The following ATP2B2 variants were observed in gnomAD, a reference collection of about 807,000 sequenced individuals.
ATP2B2 encodes ATPase plasma membrane Ca2+ transporting 2.
In ATP2B2, 15 loss-of-function variants were observed where a neutral mutation model predicts 120.0. That is an observed-to-expected ratio of 0.12 (90% CI 0.08 to 0.19). The LOEUF is 0.19. Among genes scored for constraint, ATP2B2 ranks in the 10% least tolerant of loss-of-function variants. ATP2B2 has a pLI of 1.00. For missense variants in ATP2B2, 1,045 were observed against 1,719.8 expected (o/e 0.61, Z 6.94); for synonymous variants, 694 against 700.3 (o/e 0.99, Z 0.14).
chr3:10,651,666 G>A (rs1039746788), intron 1 of ATP2B2, among the ~76,000 whole-genome samples: 3 of 152,072 alleles, frequency 2.0e-5, no homozygotes, highest in Non-Finnish European at 1.5e-5. Context: ...GGAAGGGTGG[G>A]TGAATGGCTG....
intron 1 of ATP2B2, among the ~76,000 whole-genome samples, chr3:10,681,815 C>T (rs1018183797): frequency 5.9e-5 from 9 of 152,190 alleles, no homozygotes; most frequent in African/African-American, 2.2e-4. Flanking sequence ...AACCAGTATT[C>T]AAACCTACAG....
chr3:10,462,315 C>T (rs1464154527), intron 1 of ATP2B2, among the ~76,000 whole-genome samples: 2 of 152,180 alleles, frequency 1.3e-5, no homozygotes, highest in Admixed American at 6.5e-5. Flanking sequence ...GACTCTAATC[C>T]TTCCCTCATG....
chr3:10,333,540 C>A (rs2060037676), intron 22 of ATP2B2, among the ~76,000 whole-genome samples: 1 of 152,144 alleles, frequency 6.6e-6, no homozygotes, highest in South Asian at 2.1e-4. Context: ...GCAAAGGAGG[C>A]ACGAGGCTGT....
chr3:10,561,479 T>A (rs970844556), intron 2 of ATP2B2, among the ~76,000 whole-genome samples: 4 of 152,208 alleles, frequency 2.6e-5, no homozygotes, highest in African/African-American at 9.7e-5. Context: ...ATTATCATTA[T>A]CCTCATTTTA....
At chr3:10,657,562 C>T (rs939773561) in intron 1 of ATP2B2, among the ~76,000 whole-genome samples, 1 of 152,230 alleles carries the variant, frequency 6.6e-6, no homozygotes, top group Non-Finnish European at 1.5e-5. Context: ...GGGGGCCTGC[C>T]ATTGCTGTGG....
At chr3:10,679,847 A>C (rs2071339397) in intron 1 of ATP2B2, among the ~76,000 whole-genome samples, 2 of 152,158 alleles carry the variant, frequency 1.3e-5, no homozygotes, top group African/African-American at 4.8e-5. Flanking sequence ...CCAATGCAGG[A>C]TTGTGGTATC....
At chr3:10,669,985 T>C (rs1018567601) in intron 1 of ATP2B2, among the ~76,000 whole-genome samples, 5 of 152,224 alleles carry the variant, frequency 3.3e-5, no homozygotes, top group African/African-American at 1.2e-4. Flanking sequence ...GTCAGGCATC[T>C]GGACTCAAAA....
At chr3:10,534,444 A>G (rs562566097) in intron 2 of ATP2B2, among the ~76,000 whole-genome samples, 1 of 152,240 alleles carries the variant, frequency 6.6e-6, no homozygotes, top group African/African-American at 2.4e-5. Flanking sequence ...ACTAACATGC[A>G]TCGGGCATCT....
chr3:10,368,799 C>T (rs569980042), intron 12 of ATP2B2, among the ~76,000 whole-genome samples: 7 of 152,260 alleles, frequency 4.6e-5, no homozygotes, highest in Non-Finnish European at 8.8e-5. Context: ...ATCCATCCAC[C>T]CATCCATCTA....
chr3:10,674,344 G>A (rs1032641005), intron 1 of ATP2B2, among the ~76,000 whole-genome samples: 3 of 152,290 alleles, frequency 2.0e-5, no homozygotes, highest in Non-Finnish European at 2.9e-5. Context: ...ACGTATTTTA[G>A]GTCCTGGATT....
intron 3 of ATP2B2, among the ~76,000 whole-genome samples, chr3:10,512,726 A>C (rs2066797048): frequency 6.6e-6 from 1 of 152,150 alleles, no homozygotes; most frequent in Admixed American, 6.5e-5. Context: ...AGGGTCTCAG[A>C]ACAACCACAG....
intron 2 of ATP2B2, among the ~76,000 whole-genome samples, chr3:10,431,789 G>C (rs1000893244): frequency 1.3e-5 from 2 of 151,958 alleles, no homozygotes; most frequent in African/African-American, 4.8e-5. Flanking sequence ...GCGCTTGGTA[G>C]GTATTCAGAG....
At chr3:10,557,923 CTCCAGTGTGGGGATGCA>C (rs138299334) in intron 2 of ATP2B2, among the ~76,000 whole-genome samples, 3,079 of 152,180 alleles carry the variant, frequency 0.02, 55 homozygotes, top group Admixed American at 0.041. Flanking sequence ...CCAGGCATGC[CTCCAGTGTGGGGATGCA>C]TCTTGGTCAG....
At chr3:10,610,750 T>C (rs2069211644) in intron 2 of ATP2B2, among the ~76,000 whole-genome samples, 1 of 152,166 alleles carries the variant, frequency 6.6e-6, no homozygotes, top group Non-Finnish European at 1.5e-5. Flanking sequence ...TCCTCTGCTT[T>C]CATGCTATAA....
chr3:10,522,720 C>T (rs2067009287), intron 3 of ATP2B2, among the ~76,000 whole-genome samples: 1 of 152,218 alleles, frequency 6.6e-6, no homozygotes, highest in Admixed American at 6.5e-5. Flanking sequence ...GAAGTCATTA[C>T]CTCATAGAGC....
intron 5 of ATP2B2, among the ~76,000 whole-genome samples, chr3:10,396,307 G>C (rs1024890195): frequency 1.3e-5 from 2 of 152,266 alleles, no homozygotes; most frequent in African/African-American, 4.8e-5. Flanking sequence ...GGCCTCACCA[G>C]CTTCCCCATT....
intron 2 of ATP2B2, among the ~76,000 whole-genome samples, chr3:10,605,437 C>T (rs541159765): frequency 2.6e-4 from 40 of 152,322 alleles, no homozygotes; most frequent in African/African-American, 9.1e-4. Flanking sequence ...CTCTGTTAGG[C>T]TCAAAGTCTT....
intron 18 of ATP2B2, 48 bp downstream of exon 18, chr3:10,345,336 G>C: frequency 6.2e-7 from 1 of 1,604,764 alleles, no homozygotes; most frequent in South Asian, 1.1e-5. Flanking sequence ...CCTCTGTGGG[G>C]GGTCTCCGCC....
At chr3:10,488,463 A>ATTCCTTCCTTCT (rs2065803689) in intron 1 of ATP2B2, among the ~76,000 whole-genome samples, 1 of 95,746 alleles carries the variant, frequency 1.0e-5, no homozygotes, top group Non-Finnish European at 2.1e-5. Flanking sequence ...CACCCTACAA[A>ATTCCTTCCTTCT]TTCCTTCCTT....
Sources: allele counts gnomAD v4.1 joint callset (sites outside exome capture counted in the v4.1 genomes callset), GRCh38; gene constraint gnomAD v4.1.1; transcripts MANE v1.5; gene names NCBI Gene and HGNC (gene_info 2026-07-23, HGNC 2026-07-21).